The following GPD2 variants were observed in gnomAD, a reference collection of about 807,000 sequenced individuals.
The protein encoded by GPD2 is glycerol-3-phosphate dehydrogenase 2.
In GPD2, 54 loss-of-function variants were observed where a neutral mutation model predicts 82.4. The observed-to-expected ratio is 0.66, with a 90% CI of 0.53 to 0.82. The LOEUF is 0.82. Among genes scored for constraint, GPD2 ranks in the 40% least tolerant of loss-of-function variants. GPD2 has a pLI of 0.00. For synonymous variants in GPD2, 288 were observed against 306.1 expected (o/e 0.94, Z 0.62); for missense variants, 748 against 896.2 (o/e 0.83, Z 2.11).
intron 12 of GPD2, among the ~76,000 whole-genome samples, chr2:156,570,651 C>T (rs1443727213): frequency 6.6e-6 from 1 of 152,086 alleles, no homozygotes; most frequent in Non-Finnish European, 1.5e-5. Context: ...TTCACTGTGC[C>T]TTAAAATATC....
chr2:156,543,124 A>C lies in GPD2; in HGVS notation c.662-6484A>C, dbSNP rs565121558. Among the ~76,000 whole-genome samples, 28 of 152,282 alleles carry C rather than the reference A, an allele frequency of 1.8e-4. No homozygotes were observed. The South Asian group carries it at 3.3e-3, about 18-fold the overall frequency. On this transcript the variant is annotated intron_variant, in intron 6 of 16. Coordinates refer to ENST00000438166, the MANE Select transcript of GPD2 (RefSeq NM_000408.5). Reference sequence around the variant, plus strand: ...TATCACTAGCCTCCTCCCTTTGCTTATGTTTTCACCAAAGATTTTGTGGTT... The same window carrying C: ...TATCACTAGCCTCCTCCCTTTGCTTCTGTTTTCACCAAAGATTTTGTGGTT...
chr2:156,505,032 T>C (rs751107388), intron 3 of GPD2, among the ~76,000 whole-genome samples: 7 of 152,178 alleles, frequency 4.6e-5, no homozygotes, highest in Non-Finnish European at 1.0e-4. Context: ...GTAAAAGGTA[T>C]TAAAATATAC....
intron 9 of GPD2, among the ~76,000 whole-genome samples, chr2:156,565,000 A>G (rs1449957629): frequency 6.6e-6 from 1 of 152,148 alleles, no homozygotes; most frequent in Non-Finnish European, 1.5e-5. Flanking sequence ...GTGTTCCTGG[A>G]TGAATGAAAA....
chr2:156,565,712 TGCC>T (rs1166393693), intron 9 of GPD2, among the ~76,000 whole-genome samples: 1 of 152,136 alleles, frequency 6.6e-6, no homozygotes, highest in Non-Finnish European at 1.5e-5. Flanking sequence ...TAGTAAAATA[TGCC>T]AGATTAACTT....
At chr2:156,499,052 CT>C (rs1684491068) in intron 3 of GPD2, among the ~76,000 whole-genome samples, 1 of 152,052 alleles carries the variant, frequency 6.6e-6, no homozygotes, top group African/African-American at 2.4e-5. Flanking sequence ...AGGTAAGAGA[CT>C]TGTTTCTCAG....
Position 156,439,849 on chromosome 2 carries a change from A to AAAAT in GPD2, c.-9+3360_-9+3363dup, listed in dbSNP as rs59142687. 9.5e-3 allele frequency among the ~76,000 whole-genome samples: 1,406 copies of AAAAT among 147,626 alleles called. 8 individuals are homozygous for AAAAT. Among genetic ancestry groups the AAAAT allele is most frequent in the Non-Finnish European group, 0.013 (841 of 67,142 alleles). Reference sequence around the variant, plus strand: ...GCGACAGAAGGAGAATCTGTCTCAAAAAATAAATAAATAAATAAATAAATA... The same window carrying AAAAT: ...GCGACAGAAGGAGAATCTGTCTCAAAAAATAAATAAATAAATAAATAAATAAATA... On this transcript the variant is annotated intron_variant, in intron 1 of 16. Coordinates refer to ENST00000438166, the MANE Select transcript of GPD2 (RefSeq NM_000408.5).
At chr2:156,572,759 G>T (rs990994698) in intron 13 of GPD2, among the ~76,000 whole-genome samples, 1 of 152,154 alleles carries the variant, frequency 6.6e-6, no homozygotes, top group Non-Finnish European at 1.5e-5. Context: ...GGCTAGAGGA[G>T]GTGTAAGAAG....
At chr2:156,491,938 T>G (rs1039804349) in intron 2 of GPD2, among the ~76,000 whole-genome samples, 2 of 151,354 alleles carry the variant, frequency 1.3e-5, no homozygotes, top group Non-Finnish European at 1.5e-5. Context: ...GAGAATCGCT[T>G]GAACCCGGGT....
intron 1 of GPD2, among the ~76,000 whole-genome samples, chr2:156,462,329 A>G (rs1683015793): frequency 6.6e-6 from 1 of 151,800 alleles, no homozygotes; most frequent in South Asian, 2.1e-4. Flanking sequence ...CTTGTTGCCC[A>G]GGCTGGAGTC....
chr2:156,506,053 C>T (rs1217970647), intron 3 of GPD2, among the ~76,000 whole-genome samples: 3 of 152,176 alleles, frequency 2.0e-5, no homozygotes, highest in Non-Finnish European at 4.4e-5. Flanking sequence ...AGTTGAGTTG[C>T]AGCTATGACT....
At chr2:156,582,540 A>T (rs1688063609) in intron 16 of GPD2, among the ~76,000 whole-genome samples, 1 of 151,436 alleles carries the variant, frequency 6.6e-6, no homozygotes, top group South Asian at 2.1e-4. Context: ...TGATGCATTA[A>T]GATTTGCTTT....
At chr2:156,523,420 A>G (rs541862079) in intron 6 of GPD2, among the ~76,000 whole-genome samples, 1 of 152,298 alleles carries the variant, frequency 6.6e-6, no homozygotes, top group Admixed American at 6.5e-5. Context: ...AGGCTATCCA[A>G]TTTTATTATG....
intron 9 of GPD2, among the ~76,000 whole-genome samples, chr2:156,566,004 G>A (rs1265177341): frequency 9.2e-5 from 14 of 152,170 alleles, no homozygotes. Flanking sequence ...CAAGGGTTGA[G>A]TGGAAACTGA....
chr2:156,579,993 G>A lies in GPD2; in HGVS notation c.2058+205G>A, dbSNP rs56137431. Among the ~76,000 whole-genome samples, 1,308 of 152,156 alleles carry A rather than the reference G, an allele frequency of 8.6e-3. 9 individuals are homozygous for A. Among genetic ancestry groups the A allele is most frequent in the Middle Eastern group, 0.031 (9 of 294 alleles). On this transcript the variant is annotated intron_variant, in intron 16 of 16. Coordinates refer to ENST00000438166, the MANE Select transcript of GPD2 (RefSeq NM_000408.5). The stretch of plus-strand genomic sequence containing the variant: ...TGGTGCATATTCTTTTCCTTTTTTT[G>A]TATAAGAAACATTCCATTATGTTGG...
At position 156,541,824 on chromosome 2, in the gene GPD2, G is replaced by T. The variant is rs7600038; in HGVS notation, c.662-7784G>T. On this transcript the variant is annotated intron_variant, in intron 6 of 16. Coordinates refer to ENST00000438166, the MANE Select transcript of GPD2 (RefSeq NM_000408.5). Reference sequence around the variant, plus strand: ...TCCTTAAACGTATAAAATGCTGTTTGTTTTTTTTTTTTTTTTTTTTTTGGC... The same window carrying T: ...TCCTTAAACGTATAAAATGCTGTTTTTTTTTTTTTTTTTTTTTTTTTTGGC... Among the ~76,000 whole-genome samples the T allele has an allele frequency of 7.6e-3, 619 of 81,544 alleles. 5 individuals carry two copies. Among genetic ancestry groups the T allele is most frequent in the East Asian group, 0.046 (114 of 2,458 alleles). 53.5% of individuals were successfully genotyped at this position (81,544 alleles called of 152,430 possible).
At chr2:156,412,524 G>A in the GPD2 span, among the ~76,000 whole-genome samples, 1 of 151,972 alleles carries the variant, frequency 6.6e-6, no homozygotes. Context: ...AATTTTGATG[G>A]GGGCATTTAG....
chr2:156,483,134 A>G (rs1683797914), intron 2 of GPD2, among the ~76,000 whole-genome samples: 1 of 152,114 alleles, frequency 6.6e-6, no homozygotes, highest in South Asian at 2.1e-4. Flanking sequence ...AAAAAAAACA[A>G]AAAACAAAAA....
the GPD2 span, among the ~76,000 whole-genome samples, chr2:156,418,822 T>G: frequency 6.6e-6 from 1 of 152,098 alleles, no homozygotes; most frequent in African/African-American, 2.4e-5. Flanking sequence ...ACAGATTAAT[T>G]TGTACATTGT....
At chr2:156,478,170 G>A (rs1367234934) in intron 2 of GPD2, among the ~76,000 whole-genome samples, 2 of 152,102 alleles carry the variant, frequency 1.3e-5, no homozygotes, top group African/African-American at 4.8e-5. Context: ...GCCCCAAGCA[G>A]TCAAGTTATA....
Sources: allele counts gnomAD v4.1 joint callset (sites outside exome capture counted in the v4.1 genomes callset), GRCh38; gene constraint gnomAD v4.1.1; transcripts MANE v1.5; gene names NCBI Gene and HGNC (gene_info 2026-07-23, HGNC 2026-07-21).